MAGI2: variants seen among roughly 807,000 people sequenced by gnomAD.
MAGI2 encodes membrane-associated guanylate kinase, WW and PDZ domain-containing protein 2.
In MAGI2, 35 loss-of-function variants were observed where a neutral mutation model predicts 133.3. That is an observed-to-expected ratio of 0.26 (90% CI 0.20 to 0.35). The LOEUF is 0.35. MAGI2 is among the 10% of genes least tolerant of loss of function. The pLI is 1.00. For missense variants in MAGI2, 1,636 were observed against 1,863.4 expected, an observed-to-expected ratio of 0.88 and a Z score of 2.25; for synonymous variants, 729 against 710.6, an observed-to-expected ratio of 1.03 and a Z score of -0.41.
intron 2 of MAGI2, among the ~76,000 whole-genome samples, chr7:78,874,223 C>A (rs1799023): frequency 0.54 from 82,686 of 151,872 alleles, 24,259 homozygotes; most frequent in Middle Eastern, 0.69. Flanking sequence ...GCACACAGCA[C>A]AGCTAGATAA....
At chr7:78,319,477 T>G (rs961757433) in intron 9 of MAGI2, among the ~76,000 whole-genome samples, 3 of 152,154 alleles carry the variant, frequency 2.0e-5, no homozygotes, top group African/African-American at 7.2e-5. Flanking sequence ...AGAAACTCAC[T>G]TAAAACTGCT....
intron 1 of MAGI2, among the ~76,000 whole-genome samples, chr7:79,117,637 G>A (rs1261616391): frequency 6.6e-6 from 1 of 152,104 alleles, no homozygotes; most frequent in Non-Finnish European, 1.5e-5. Context: ...GCTTTTATCT[G>A]TATGCAGAAA....
chr7:78,538,096 CT>C (rs1487113675), intron 3 of MAGI2, among the ~76,000 whole-genome samples: 7 of 152,100 alleles, frequency 4.6e-5, no homozygotes, highest in Admixed American at 6.6e-5. Flanking sequence ...CCCTTTCCCC[CT>C]GTATGTTTTC....
At chr7:78,086,846 G>C (rs900907466) in intron 20 of MAGI2, among the ~76,000 whole-genome samples, 2 of 152,010 alleles carry the variant, frequency 1.3e-5, no homozygotes, top group African/African-American at 4.8e-5. Flanking sequence ...TGTTGCCCAG[G>C]CTGGTCTTGA....
intron 2 of MAGI2, among the ~76,000 whole-genome samples, chr7:78,647,260 G>A (rs531762686): frequency 1.8e-4 from 27 of 152,184 alleles, no homozygotes; most frequent in African/African-American, 6.3e-4. Context: ...CTGACAAAGG[G>A]CTAATATCCA....
At chr7:78,081,798 A>C (rs1358519447) in intron 20 of MAGI2, among the ~76,000 whole-genome samples, 4 of 152,156 alleles carry the variant, frequency 2.6e-5, no homozygotes, top group Non-Finnish European at 5.9e-5. Flanking sequence ...CTCACTATGG[A>C]AAGTGGAAGA....
chr7:78,181,866 C>A (rs1563226350), intron 13 of MAGI2, among the ~76,000 whole-genome samples: 1 of 152,206 alleles, frequency 6.6e-6, no homozygotes, highest in African/African-American at 2.4e-5. Flanking sequence ...AGGGGCTTCA[C>A]ATGCTGTATG....
chr7:78,307,091 A>C (rs1208187224), intron 9 of MAGI2, among the ~76,000 whole-genome samples: 1 of 152,192 alleles, frequency 6.6e-6, no homozygotes, highest in African/African-American at 2.4e-5. Context: ...TATTAATCCC[A>C]TACTAAAGAA....
At chr7:78,869,037 G>C (rs1794821320) in intron 2 of MAGI2, among the ~76,000 whole-genome samples, 1 of 152,194 alleles carries the variant, frequency 6.6e-6, no homozygotes, top group Admixed American at 6.5e-5. Flanking sequence ...ACAGGCGTGA[G>C]CCACCATGCC....
At chr7:78,941,727 A>AT (rs1800991562) in intron 2 of MAGI2, among the ~76,000 whole-genome samples, 1 of 81,396 alleles carries the variant, frequency 1.2e-5, no homozygotes, top group African/African-American at 6.6e-5. Flanking sequence ...AGCCTATTTC[A>AT]TCACACACAC....
At chr7:79,055,074 G>A (rs538994876) in intron 1 of MAGI2, among the ~76,000 whole-genome samples, 10 of 152,296 alleles carry the variant, frequency 6.6e-5, no homozygotes, top group South Asian at 4.1e-4. Flanking sequence ...GATTACAGGC[G>A]TGAGCCACCA....
chr7:78,365,659 G>A (rs1485263213), intron 7 of MAGI2, among the ~76,000 whole-genome samples: 1 of 152,158 alleles, frequency 6.6e-6, no homozygotes, highest in Non-Finnish European at 1.5e-5. Flanking sequence ...CAATTTCCAT[G>A]ACATGATTAT....
At chr7:78,789,126 A>G (rs1338050669) in intron 2 of MAGI2, among the ~76,000 whole-genome samples, 1 of 152,156 alleles carries the variant, frequency 6.6e-6, no homozygotes, top group East Asian at 1.9e-4. Context: ...TTTTTAAAAA[A>G]TATATTCATT....
At chr7:79,265,379 T>C (rs114885992) in intron 1 of MAGI2, among the ~76,000 whole-genome samples, 1,601 of 152,234 alleles carry the variant, frequency 0.011, 29 homozygotes, top group African/African-American at 0.037. Context: ...ATACCTACTA[T>C]AGAATATACA....
Position 79,342,476 on chromosome 7 carries a change from C to T in MAGI2, c.301+110544G>A, listed in dbSNP as rs190574971. Among the ~76,000 whole-genome samples the T allele has an allele frequency of 1.2e-4, 18 of 152,276 alleles. No individual in the cohort carries two copies. In the East Asian group the frequency reaches 3.5e-3, roughly 30 times the overall value. On this transcript the variant is annotated intron_variant, in intron 1 of 21. Coordinates refer to ENST00000354212, the MANE Select transcript of MAGI2 (RefSeq NM_012301.4). ...GTGGGTTTTATCTTTAAGCCAATGT[C>T]AAGATAGTTTTTCTCTGTAAAATGA... is the stretch of plus-strand genomic sequence containing the variant.
At chr7:78,844,436 A>C (rs1385151055) in intron 2 of MAGI2, among the ~76,000 whole-genome samples, 1 of 151,934 alleles carries the variant, frequency 6.6e-6, no homozygotes, top group Non-Finnish European at 1.5e-5. Flanking sequence ...GGATACACAA[A>C]TGGGGAATAT....
chr7:79,214,411 A>ATT (rs1829813686), intron 1 of MAGI2, among the ~76,000 whole-genome samples: 1 of 74,684 alleles, frequency 1.3e-5, no homozygotes, highest in Non-Finnish European at 2.6e-5. Flanking sequence ...CTCTCTCTAT[A>ATT]TATATATATA....
chr7:79,415,754 T>C (rs972002823), intron 1 of MAGI2: 5 of 152,154 alleles, frequency 3.3e-5, no homozygotes, highest in African/African-American at 4.8e-5. Flanking sequence ...GTTCTATCTA[T>C]ATTATTTCTT....
At chr7:78,431,593 G>A (rs1402504238) in intron 6 of MAGI2, among the ~76,000 whole-genome samples, 1 of 152,038 alleles carries the variant, frequency 6.6e-6, no homozygotes, top group Non-Finnish European at 1.5e-5. Flanking sequence ...CATAGTCTTG[G>A]AAGAAAAAGA....
Sources: gnomAD v4.1 joint callset for allele counts (sites outside exome capture counted in the v4.1 genomes callset) on GRCh38, gnomAD v4.1.1 for gene constraint, MANE v1.5 for transcripts, NCBI Gene and HGNC (gene_info 2026-07-23, HGNC 2026-07-21) for gene names.